MACROD2: variants seen among roughly 807,000 people sequenced by gnomAD.
The protein encoded by MACROD2 is ADP-ribose glycohydrolase MACROD2.
In MACROD2, 36 loss-of-function variants were observed where a neutral mutation model predicts 70.4. The observed-to-expected ratio is 0.51, with a 90% confidence interval of 0.39 to 0.68. The LOEUF is 0.68. Ranked by LOEUF, MACROD2 falls within the 30% of genes least tolerant of loss-of-function variation. MACROD2 has a pLI of 0.00. For missense variants in MACROD2, 496 were observed against 538.4 expected (o/e 0.92, Z 0.78); for synonymous variants, 172 against 178.8 (o/e 0.96, Z 0.30).
rs1453533321 is a variant in MACROD2, at chr20:14,922,353, C to T, written c.418+237394C>T. Among the ~76,000 whole-genome samples the T allele has an allele frequency of 7.2e-5, 11 of 152,180 alleles. 1 individual carries two copies. The highest frequency in any genetic ancestry group is 3.9e-4 in the East Asian group (2 of 5,178). On this transcript the variant is annotated intron_variant, in intron 5 of 17. Transcript: ENST00000684519. Reference sequence around the variant, plus strand: ...TATTCATAAGGTGATTAGAATGCAACGGTTACATGGCTTCTTAACCACCCC... The same window carrying T: ...TATTCATAAGGTGATTAGAATGCAATGGTTACATGGCTTCTTAACCACCCC...
intron 5 of MACROD2, among the ~76,000 whole-genome samples, chr20:15,101,255 G>A (rs558603666): frequency 6.6e-6 from 1 of 152,110 alleles, no homozygotes; most frequent in East Asian, 1.9e-4. Context: ...CTTCATCCAT[G>A]GAGACTGAGC....
intron 3 of MACROD2, among the ~76,000 whole-genome samples, 180 bp downstream of exon 3, chr20:14,085,908 G>GTACATC (rs1336270118): frequency 6.6e-6 from 1 of 152,106 alleles, no homozygotes; most frequent in Non-Finnish European, 1.5e-5. Context: ...TGCAATTAAT[G>GTACATC]TGCATCTACA....
chr20:14,578,199 T>A (rs979815594), intron 4 of MACROD2, among the ~76,000 whole-genome samples: 2 of 151,380 alleles, frequency 1.3e-5, no homozygotes, highest in Admixed American at 1.3e-4. Flanking sequence ...TGGCAGGTTT[T>A]CTTTTCACAA....
At chr20:15,411,397 G>GA (rs906430335) in intron 6 of MACROD2, among the ~76,000 whole-genome samples, 28 of 149,618 alleles carry the variant, frequency 1.9e-4, no homozygotes, top group African/African-American at 2.7e-4. Flanking sequence ...CTGCCAATGG[G>GA]AAAAAAAAAA....
intron 8 of MACROD2, among the ~76,000 whole-genome samples, chr20:15,833,232 T>G (rs1313829238): frequency 6.6e-6 from 1 of 152,164 alleles, no homozygotes; most frequent in Non-Finnish European, 1.5e-5. Context: ...AATAGAACCC[T>G]CAAATGAGAA....
chr20:15,068,865 G>C (rs1011985030), intron 5 of MACROD2, among the ~76,000 whole-genome samples: 3 of 152,192 alleles, frequency 2.0e-5, no homozygotes, highest in African/African-American at 7.2e-5. Context: ...AGATGTGAAA[G>C]TGGCTTTGAA....
chr20:14,845,929 C>G (rs2073135423), intron 5 of MACROD2, among the ~76,000 whole-genome samples: 3 of 151,994 alleles, frequency 2.0e-5, no homozygotes, highest in Admixed American at 2.0e-4. Flanking sequence ...TGACCAAGAA[C>G]CTGAGAATTT....
chr20:15,303,941 A>T (rs565694622), intron 6 of MACROD2, among the ~76,000 whole-genome samples: 9 of 152,290 alleles, frequency 5.9e-5, no homozygotes, highest in Admixed American at 4.6e-4. Context: ...CCTAGAATGA[A>T]TCAAGTATTC....
chr20:14,784,235 T>G (rs969541200), intron 5 of MACROD2, among the ~76,000 whole-genome samples: 3 of 152,126 alleles, frequency 2.0e-5, no homozygotes, highest in African/African-American at 4.8e-5. Context: ...CTTTGCTGTT[T>G]TTGCTGTCTT....
At chr20:14,092,504 T>C (rs570719242) in intron 3 of MACROD2, among the ~76,000 whole-genome samples, 2 of 152,350 alleles carry the variant, frequency 1.3e-5, no homozygotes, top group South Asian at 4.1e-4. Flanking sequence ...GCATGTTTTG[T>C]AGATATTTAG....
At position 15,775,202 on chromosome 20, in the gene MACROD2, G is replaced by A. The variant is rs117950223; in HGVS notation, c.646-87543G>A. Among the ~76,000 whole-genome samples the A allele has an allele frequency of 6.0e-4, 91 of 152,206 alleles. 2 individuals are homozygous for A. Among genetic ancestry groups the A allele is most frequent in the South Asian group, 6.2e-4 (3 of 4,816 alleles). On this transcript the variant is annotated intron_variant, in intron 8 of 17. Transcript: ENST00000684519. The stretch of plus-strand genomic sequence containing the variant: ...TAGAAGAAACATGCACAGATCCAGC[G>A]GAGCTTTATGCCCCTTCCTGAGTCT...
chr20:14,882,183 A>T (rs1333295784), intron 5 of MACROD2, among the ~76,000 whole-genome samples: 1 of 152,174 alleles, frequency 6.6e-6, no homozygotes, highest in Non-Finnish European at 1.5e-5. Flanking sequence ...CTCACTTGTG[A>T]TGGACTTTCC....
At chr20:14,689,174 T>C (rs1466025166) in intron 5 of MACROD2, among the ~76,000 whole-genome samples, 1 of 152,212 alleles carries the variant, frequency 6.6e-6, no homozygotes, top group Non-Finnish European at 1.5e-5. Context: ...GCTTGTTCCT[T>C]ACCTACCTCA....
chr20:14,475,974 A>G (rs888143949), intron 3 of MACROD2, among the ~76,000 whole-genome samples: 6 of 152,102 alleles, frequency 3.9e-5, no homozygotes, highest in Admixed American at 2.0e-4. Flanking sequence ...TTGAGGATCA[A>G]TTTGAATGAA....
intron 4 of MACROD2, among the ~76,000 whole-genome samples, chr20:14,578,092 G>A (rs571779469): frequency 3.0e-4 from 46 of 151,622 alleles, no homozygotes; most frequent in African/African-American, 3.4e-4. Flanking sequence ...TCAGGAAATG[G>A]TATGGAACTT....
At chr20:14,874,914 A>G (rs1171646259) in intron 5 of MACROD2, among the ~76,000 whole-genome samples, 1 of 151,596 alleles carries the variant, frequency 6.6e-6, no homozygotes, top group African/African-American at 2.4e-5. Flanking sequence ...CATGTTGACC[A>G]GGCTGGTCTC....
intron 2 of MACROD2, among the ~76,000 whole-genome samples, chr20:14,026,316 T>C (rs1176081737): frequency 1.3e-5 from 2 of 152,254 alleles, no homozygotes; most frequent in Non-Finnish European, 2.9e-5. Flanking sequence ...TCTGTGTCTT[T>C]TAATCGGGGC....
intron 15 of MACROD2, among the ~76,000 whole-genome samples, chr20:16,026,890 A>G (rs969382949): frequency 6.6e-6 from 1 of 152,170 alleles, no homozygotes; most frequent in Non-Finnish European, 1.5e-5. Context: ...CATCTGGCTG[A>G]GTTTAGTAGC....
intron 5 of MACROD2, among the ~76,000 whole-genome samples, chr20:14,749,512 G>A (rs919100281): frequency 5.9e-5 from 9 of 152,112 alleles, no homozygotes; most frequent in East Asian, 3.9e-4. Flanking sequence ...GAAAATTCTC[G>A]AAGATTAATC....
Sources: gnomAD v4.1 joint callset for allele counts (sites outside exome capture counted in the v4.1 genomes callset) on GRCh38, gnomAD v4.1.1 for gene constraint, MANE v1.5 for transcripts, NCBI Gene and HGNC (gene_info 2026-07-23, HGNC 2026-07-21) for gene names.